Variants in DPH6 observed in about 807,000 individuals in gnomAD.
The protein encoded by DPH6 is diphthine--ammonia ligase.
Under a neutral mutation model 38.2 loss-of-function variants are expected in DPH6, and 33 were observed. The observed-to-expected ratio is 0.86, with a 90% confidence interval of 0.65 to 1.15. The LOEUF is 1.15. DPH6 is among the 50% of genes most tolerant of loss of function. The pLI, the probability that DPH6 is intolerant of heterozygous loss-of-function variation, is 0.00. For missense variants in DPH6, 325 were observed against 320.0 expected (o/e 1.02, Z -0.12); for synonymous variants, 108 against 103.0 (o/e 1.05, Z -0.30).
At chr15:35,232,573 T>G (rs1262933490) in intron 3 of DPH6, among the ~76,000 whole-genome samples, 1 of 151,734 alleles carries the variant, frequency 6.6e-6, no homozygotes, top group East Asian at 1.9e-4. Context: ...AGAGCAATAC[T>G]CCGTGTCAAA....
At position 35,450,938 on chromosome 15, in the gene DPH6, T is replaced by C. The variant is rs570003815; in HGVS notation, c.387-135A>G. Reference sequence around the variant, plus strand: ...ATTGAAAATGCTTTTAAAAACATATTTTGCATAATGTTTATATATACAACA... The same window carrying C: ...ATTGAAAATGCTTTTAAAAACATATCTTGCATAATGTTTATATATACAACA... On this transcript the variant is annotated intron_variant, in intron 4 of 8. Transcript: ENST00000256538. The C allele has an allele frequency of 2.7e-5, 18 of 658,196 alleles. No homozygotes were observed. In the East Asian group the frequency reaches 5.1e-4, roughly 19 times the overall value. The allele number at this position is 658,196 out of a possible 1,614,324, so 40.8% of individuals were successfully genotyped here.
chr15:35,436,549 C>T (rs1306439619), intron 5 of DPH6, among the ~76,000 whole-genome samples: 1 of 144,174 alleles, frequency 6.9e-6, no homozygotes, highest in Non-Finnish European at 1.5e-5. Context: ...CACTGCACTC[C>T]AGCCTGGGTG....
chr15:35,525,286 C>A (rs921478828), intron 3 of DPH6, among the ~76,000 whole-genome samples: 1 of 152,114 alleles, frequency 6.6e-6, no homozygotes, highest in Non-Finnish European at 1.5e-5. Flanking sequence ...CTATTTAGAA[C>A]AAGCCATGTC....
chr15:35,286,447 T>C (rs144691701), intron 3 of DPH6, among the ~76,000 whole-genome samples: 1 of 152,242 alleles, frequency 6.6e-6, no homozygotes, highest in East Asian at 1.9e-4. Context: ...TCCATCCCTA[T>C]GGGAAATAAA....
chr15:35,295,093 C>G (rs150301132), intron 3 of DPH6, among the ~76,000 whole-genome samples: 3 of 152,274 alleles, frequency 2.0e-5, no homozygotes, highest in South Asian at 4.1e-4. Context: ...CTCACCTCTA[C>G]GAACTAGCTA....
chr15:35,229,718 T>C (rs1440261334), intron 3 of DPH6, among the ~76,000 whole-genome samples: 1 of 152,178 alleles, frequency 6.6e-6, no homozygotes, highest in Non-Finnish European at 1.5e-5. Flanking sequence ...TGAAAGGACT[T>C]GGGTGTTGTG....
At chr15:35,352,997 A>G (rs2052528693) in intron 3 of DPH6, among the ~76,000 whole-genome samples, 1 of 152,112 alleles carries the variant, frequency 6.6e-6, no homozygotes, top group South Asian at 2.1e-4. Context: ...ATGGTATCTC[A>G]TTGTGGTTTT....
chr15:35,242,136 G>A (rs1377546442), intron 3 of DPH6, among the ~76,000 whole-genome samples: 8 of 144,414 alleles, frequency 5.5e-5, no homozygotes, highest in Non-Finnish European at 1.1e-4. Flanking sequence ...CTGTACCGCC[G>A]CAAAGCTTCA....
chr15:35,452,651 T>G (rs1476504425), intron 4 of DPH6, among the ~76,000 whole-genome samples: 1 of 152,208 alleles, frequency 6.6e-6, no homozygotes, highest in African/African-American at 2.4e-5. Context: ...GATTGTTGCG[T>G]GTAATTTTCC....
chr15:35,256,249 C>G (rs2589542), intron 3 of DPH6, among the ~76,000 whole-genome samples: 4 of 151,924 alleles, frequency 2.6e-5, no homozygotes, highest in African/African-American at 9.7e-5. Context: ...TTCTGTTGCA[C>G]GATCCTGGCC....
intron 3 of DPH6, among the ~76,000 whole-genome samples, chr15:35,465,168 C>T (rs16961020): frequency 0.019 from 2,946 of 152,250 alleles, 98 homozygotes; most frequent in African/African-American, 0.067. Flanking sequence ...ATGCAGCTTG[C>T]ATTTATCGGG....
chr15:35,385,417 G>C lies in DPH6; in HGVS notation c.568-3501C>G, dbSNP rs569123152. ...ATAAAGAAAATGTGGCACATATACA[G>C]CATGGAGTACTATGTAGCCATAAAA... On this transcript the variant is annotated intron_variant, in intron 6 of 8. Coordinates refer to ENST00000256538, the MANE Select transcript of DPH6 (RefSeq NM_080650.4). 3.3e-5 allele frequency among the ~76,000 whole-genome samples: 5 copies of C among 152,246 alleles called. No homozygotes were observed. The South Asian group carries it at 1.0e-3, about 32-fold the overall frequency.
At chr15:35,544,887 T>C (rs1366873016) in intron 1 of DPH6, among the ~76,000 whole-genome samples, 1 of 152,258 alleles carries the variant, frequency 6.6e-6, no homozygotes, top group Non-Finnish European at 1.5e-5. Flanking sequence ...ATTTGAATTA[T>C]TCACTTCCTG....
intron 3 of DPH6, chr15:35,298,170 T>C (rs1451429311): frequency 2.4e-6 from 1 of 424,250 alleles, no homozygotes; most frequent in Non-Finnish European, 4.5e-6. Context: ...ATGGAGGCTG[T>C]GACCTTTTTC....
chr15:35,213,552 G>GA (rs1415077762), downstream of DPH6, among the ~76,000 whole-genome samples: 7 of 151,778 alleles, frequency 4.6e-5, no homozygotes, highest in Admixed American at 2.0e-4. Context: ...TAAATATTTA[G>GA]AAAAAAAGGT....
At chr15:35,476,603 C>A (rs1032673979) in intron 3 of DPH6, among the ~76,000 whole-genome samples, 3 of 151,608 alleles carry the variant, frequency 2.0e-5, no homozygotes, top group Non-Finnish European at 4.4e-5. Context: ...GTTGCTGCTA[C>A]ATTATAGTCA....
intron 3 of DPH6, among the ~76,000 whole-genome samples, chr15:35,487,593 G>C (rs143302829): frequency 1.3e-5 from 2 of 152,240 alleles, no homozygotes; most frequent in East Asian, 3.9e-4. Context: ...CAGAGCAGTG[G>C]GGCAGTAGGC....
intron 3 of DPH6, among the ~76,000 whole-genome samples, chr15:35,303,953 A>G (rs2052071550): frequency 6.6e-6 from 1 of 152,024 alleles, no homozygotes; most frequent in South Asian, 2.1e-4. Context: ...ATGGTGTAAT[A>G]CTGCCAGGTT....
exon 4 of DPH6, chr15:35,217,861 A>G (rs1303528873): frequency 6.6e-6 from 1 of 152,194 alleles, no homozygotes; most frequent in Admixed American, 6.5e-5. Flanking sequence ...CTTGAATACC[A>G]AAATCTGAGA....
Sources: gnomAD v4.1 joint callset for allele counts (sites outside exome capture counted in the v4.1 genomes callset) on GRCh38, gnomAD v4.1.1 for gene constraint, MANE v1.5 for transcripts, NCBI Gene and HGNC (gene_info 2026-07-23, HGNC 2026-07-21) for gene names.